PRKAR1A: variants seen among roughly 807,000 people sequenced by gnomAD.
PRKAR1A encodes cAMP-dependent protein kinase type I-alpha regulatory subunit.
In PRKAR1A, 3 loss-of-function variants were observed where a neutral mutation model predicts 52.0. The ratio of observed to expected loss-of-function variants is 0.06; its 90% confidence interval spans 0.03 to 0.15. The LOEUF is 0.15. Among genes scored for constraint, PRKAR1A ranks in the 10% least tolerant of loss-of-function variants. The probability of loss-of-function intolerance (pLI) is 1.00; values close to 1 mark genes in which losing one functional copy is unlikely to be tolerated. For synonymous variants in PRKAR1A, 188 were observed against 168.4 expected (o/e 1.12, Z -0.90); for missense variants, 240 against 477.4 (o/e 0.50, Z 4.63).
At chr17:68,474,962 T>A in the PRKAR1A span, among the ~76,000 whole-genome samples, 2 of 151,848 alleles carry the variant, frequency 1.3e-5, no homozygotes, top group African/African-American at 2.4e-5. Flanking sequence ...TTAAAAAAAA[T>A]GTAATGTCTT....
the PRKAR1A span, among the ~76,000 whole-genome samples, chr17:68,495,987 T>C: frequency 6.5e-4 from 3 of 4,650 alleles, no homozygotes; most frequent in African/African-American, 1.6e-3. Flanking sequence ...TCCTCTCCTC[T>C]CCTCTCCTCT....
At chr17:68,470,751 A>G in the PRKAR1A span, among the ~76,000 whole-genome samples, 2 of 152,224 alleles carry the variant, frequency 1.3e-5, no homozygotes, top group African/African-American at 2.4e-5. Context: ...TGTGTGCTCT[A>G]TATTTTCCAA....
intron 11 of PRKAR1A, chr17:68,543,606 A>G (rs1217995554): frequency 6.2e-7 from 1 of 1,609,934 alleles, no homozygotes. Flanking sequence ...AGGCAATGCC[A>G]TCTCCATGGG....
chr17:68,503,890 C>T, the PRKAR1A span, among the ~76,000 whole-genome samples: 1 of 152,126 alleles, frequency 6.6e-6, no homozygotes, highest in Admixed American at 6.5e-5. Flanking sequence ...CAGGCCATAA[C>T]AAATGCTGGC....
At chr17:68,501,456 TTC>T in the PRKAR1A span, among the ~76,000 whole-genome samples, 1 of 152,122 alleles carries the variant, frequency 6.6e-6, no homozygotes, top group East Asian at 1.9e-4. Flanking sequence ...ACCCTCAGCA[TTC>T]TCTCTCTCTC....
At chr17:68,486,471 CTCCT>C in the PRKAR1A span, among the ~76,000 whole-genome samples, 729 of 97,514 alleles carry the variant, frequency 7.5e-3, 15 homozygotes, top group African/African-American at 0.015. Context: ...CTTTCTTTCT[CTCCT>C]TCCTTCCTTC....
intron 11 of PRKAR1A, among the ~76,000 whole-genome samples, chr17:68,545,713 T>G (rs2086523776): frequency 6.6e-6 from 1 of 152,248 alleles, no homozygotes; most frequent in African/African-American, 2.4e-5. Context: ...GTAGAACTTC[T>G]GTCAAAATTG....
the PRKAR1A span, among the ~76,000 whole-genome samples, chr17:68,417,537 G>A: frequency 6.6e-6 from 1 of 151,788 alleles, no homozygotes; most frequent in Non-Finnish European, 1.5e-5. Flanking sequence ...TGTCCACACT[G>A]AGCCTCCAGC....
the PRKAR1A span, among the ~76,000 whole-genome samples, chr17:68,491,490 C>T: frequency 1.3e-5 from 2 of 152,156 alleles, no homozygotes; most frequent in African/African-American, 2.4e-5. Context: ...GCTGGACTTC[C>T]CTCCCTGCAA....
the PRKAR1A span, among the ~76,000 whole-genome samples, chr17:68,431,782 G>GGCCCATGAGAGCCAT: frequency 1.3e-5 from 2 of 152,212 alleles, no homozygotes; most frequent in Admixed American, 6.5e-5. Flanking sequence ...GTTGAGCGGA[G>GGCCCATGAGAGCCAT]AACCCAGAAC....
chr17:68,458,487 C>T, the PRKAR1A span, among the ~76,000 whole-genome samples: 2 of 152,094 alleles, frequency 1.3e-5, no homozygotes, highest in African/African-American at 4.8e-5. Flanking sequence ...GGGGGAAGCA[C>T]CTTTGATCTG....
upstream of PRKAR1A, among the ~76,000 whole-genome samples, chr17:68,511,625 A>G (rs1203713259): frequency 6.6e-6 from 1 of 151,208 alleles, no homozygotes; most frequent in East Asian, 2.0e-4. Context: ...CCTGGTTTCC[A>G]CAGGGACGGT....
chr17:68,436,233 A>AATAGTATCACCTTCTCTTGAACAACTCCC, the PRKAR1A span: 1 of 698,464 alleles, frequency 1.4e-6, no homozygotes, highest in Non-Finnish European at 2.5e-6. Flanking sequence ...CCCGAGGGGA[A>AATAGTATCACCTTCTCTTGAACAACTCCC]ATAGTATCAC....
At chr17:68,494,710 C>T in the PRKAR1A span, among the ~76,000 whole-genome samples, 3 of 151,910 alleles carry the variant, frequency 2.0e-5, no homozygotes, top group Non-Finnish European at 4.4e-5. Context: ...TGTAAGTGCC[C>T]GGCAAACGGT....
chr17:68,500,870 A>G, the PRKAR1A span, among the ~76,000 whole-genome samples: 2 of 152,186 alleles, frequency 1.3e-5, no homozygotes, highest in Admixed American at 6.5e-5. Flanking sequence ...ACACCGTGAA[A>G]GTGCTCAGGT....
the PRKAR1A span, among the ~76,000 whole-genome samples, chr17:68,416,055 T>C: frequency 2.0e-5 from 3 of 152,346 alleles, no homozygotes; most frequent in African/African-American, 7.2e-5. Flanking sequence ...CCATTCCTCA[T>C]GCTATTTGTT....
At chr17:68,435,907 C>T in the PRKAR1A span, among the ~76,000 whole-genome samples, 1 of 152,248 alleles carries the variant, frequency 6.6e-6, no homozygotes, top group African/African-American at 2.4e-5. Flanking sequence ...AGGGCCACTC[C>T]ATTTCCATCC....
chr17:68,471,963 G>T, the PRKAR1A span, among the ~76,000 whole-genome samples: 18 of 152,108 alleles, frequency 1.2e-4, no homozygotes, highest in African/African-American at 4.3e-4. Context: ...ACCACGCCTG[G>T]CTAATGTTTT....
intron 2 of PRKAR1A, 147 bp from the exon 3 acceptor site, chr17:68,522,609 C>G: frequency 1.2e-6 from 1 of 824,738 alleles, no homozygotes; most frequent in Non-Finnish European, 2.0e-6. Flanking sequence ...TCTTTTTTTC[C>G]CCTTTGGAAT....
Sources: allele counts gnomAD v4.1 joint callset (sites outside exome capture counted in the v4.1 genomes callset), GRCh38; gene constraint gnomAD v4.1.1; transcripts MANE v1.5; gene names NCBI Gene and HGNC (gene_info 2026-07-23, HGNC 2026-07-21).